NKD1: variants seen among roughly 807,000 people sequenced by gnomAD.
The protein encoded by NKD1 is protein naked cuticle homolog 1.
A neutral mutation model predicts 56.0 loss-of-function variants in NKD1; 21 were observed. The observed-to-expected ratio is 0.38, with a 90% CI of 0.27 to 0.54. The LOEUF (loss-of-function observed/expected upper bound fraction) is 0.54. Among genes scored for constraint, NKD1 ranks in the 20% least tolerant of loss-of-function variants. The probability of loss-of-function intolerance (pLI) is 0.82; values close to 1 mark genes in which losing one functional copy is unlikely to be tolerated. For synonymous variants in NKD1, 263 were observed against 265.7 expected (o/e 0.99, Z 0.10); for missense variants, 578 against 642.7 (o/e 0.90, Z 1.09).
At chr16:50,584,044 C>T (rs376209471) in intron 3 of NKD1, among the ~76,000 whole-genome samples, 135 of 152,294 alleles carry the variant, frequency 8.9e-4, no homozygotes, top group African/African-American at 3.1e-3. Context: ...TGCAAACCAC[C>T]CTAAGACTTA....
At chr16:50,591,426 C>T (rs369398561) in intron 3 of NKD1, among the ~76,000 whole-genome samples, 2 of 152,300 alleles carry the variant, frequency 1.3e-5, no homozygotes, top group South Asian at 2.1e-4. Context: ...GTACTGAGGA[C>T]GGATCATTGG....
At position 50,638,395 on chromosome 16, in the gene NKD1, C is replaced by CA. The variant is rs1482092281; in HGVS notation, c.*4615dup. ...TGCCCCTTGTCCAGCCACACGCCAG[C>CA]ACCCACCCTCCTGGCCCCTGCCTCG... is the stretch of plus-strand genomic sequence containing the variant. On this transcript the variant is annotated 3_prime_UTR_variant, in exon 10 of 10. Transcript: ENST00000268459. 3 of 152,902 alleles carry CA rather than the reference C, an allele frequency of 2.0e-5. No individual in the cohort carries two copies. Among genetic ancestry groups the CA allele is most frequent in the Non-Finnish European group, 2.9e-5 (2 of 68,504 alleles). 9.5% of individuals were successfully genotyped at this position (152,902 alleles called of 1,614,324 possible).
chr16:50,628,986 G>A (rs1962284712), intron 6 of NKD1, among the ~76,000 whole-genome samples: 1 of 147,562 alleles, frequency 6.8e-6, no homozygotes, highest in African/African-American at 2.5e-5. Flanking sequence ...TTAAACAAGA[G>A]ATGGGATCTT....
chr16:50,617,893 T>C (rs909953521), intron 4 of NKD1, among the ~76,000 whole-genome samples: 3 of 152,166 alleles, frequency 2.0e-5, no homozygotes, highest in Non-Finnish European at 4.4e-5. Context: ...AAAGCAGCAA[T>C]CAATCCACAG....
At position 50,598,716 on chromosome 16, in the gene NKD1, C is replaced by T. The variant is rs1382131323; in HGVS notation, c.193-9578C>T. ...CTCTTATCAGCACTCGGCTGTGTGG[C>T]GTGGCGGGCCAGTGGCTGGGCTAGT... On this transcript the variant is annotated intron_variant, in intron 3 of 9. Transcript: ENST00000268459. The surrounding 1 kb of genome is among the most constrained non-coding windows in gnomAD (Gnocchi z 4.2). 2.0e-5 allele frequency among the ~76,000 whole-genome samples: 3 copies of T among 152,134 alleles called. No individual in the cohort carries two copies. Among genetic ancestry groups the T allele is most frequent in the African/African-American group, 4.8e-5 (2 of 41,414 alleles).
intron 3 of NKD1, chr16:50,571,474 CA>C: frequency 1.0e-6 from 1 of 985,396 alleles, no homozygotes; most frequent in South Asian, 4.7e-5. Context: ...GCCGCTCACA[CA>C]CCCAAACAGC....
At chr16:50,594,381 A>G (rs888843403) in intron 3 of NKD1, among the ~76,000 whole-genome samples, 1 of 152,236 alleles carries the variant, frequency 6.6e-6, no homozygotes, top group Admixed American at 6.5e-5. Context: ...CAAGTGGGTC[A>G]GGATTCCTCC....
At chr16:50,555,720 G>A (rs1960486851) in intron 3 of NKD1, 1 of 152,272 alleles carries the variant, frequency 6.6e-6, no homozygotes, top group Non-Finnish European at 1.5e-5. Flanking sequence ...GAGACAGGAT[G>A]TGCAGCCCCC....
At chr16:50,548,940 G>T (rs1202084650) in intron 2 of NKD1, 191 bp downstream of exon 2, 1 of 940,278 alleles carries the variant, frequency 1.1e-6, no homozygotes, top group Non-Finnish European at 1.2e-6. Context: ...CGCTCCCCGC[G>T]GTCCTGCGCT....
chr16:50,620,125 T>C lies in NKD1; in HGVS notation c.260-1477T>C, dbSNP rs149623884. Reference sequence around the variant, plus strand: ...TGGTAAACAGCAAGTGCTTAGTCATTGCTGCCTCATCTTTATGTACAGTGG... The same window carrying C: ...TGGTAAACAGCAAGTGCTTAGTCATCGCTGCCTCATCTTTATGTACAGTGG... On this transcript the variant is annotated intron_variant, in intron 4 of 9. Coordinates refer to ENST00000268459, the MANE Select transcript of NKD1 (RefSeq NM_033119.5). Among the ~76,000 whole-genome samples the C allele has an allele frequency of 1.4e-4, 21 of 152,386 alleles. No individual in the cohort carries two copies. The East Asian group carries it at 4.0e-3, about 29-fold the overall frequency.
chr16:50,555,472 T>G, intron 3 of NKD1: 1 of 152,330 alleles, frequency 6.6e-6, no homozygotes, highest in Non-Finnish European at 1.5e-5. Flanking sequence ...CCTGTTGGGG[T>G]TGGTGGCCCT....
intron 3 of NKD1, chr16:50,570,803 G>A (rs1960864652): frequency 6.1e-6 from 6 of 985,306 alleles, no homozygotes; most frequent in Non-Finnish European, 7.2e-6. Context: ...TATTAGCCTT[G>A]GTTTTTCCAT....
Position 50,630,829 on chromosome 16 carries a change from T to G in NKD1, c.614T>G (p.Leu205Arg). The change falls in exon 8 of 10, where the codon CTG becomes CGG. Residue 205 changes from leucine (L) to arginine (R), a missense_variant. By Grantham distance (102) the Leu-to-Arg change is moderately radical. Coordinates refer to ENST00000268459, the MANE Select transcript of NKD1 (RefSeq NM_033119.5). ...GTGCTTCTCGGGCCGGACTCAGACC[T>G]GCAGAGCGCAAGGCCCCGAGCAGAG... is the stretch of plus-strand genomic sequence containing the variant. ...KRSVLVNQAD[L>R]QSARPRAETK... 1 of 1,598,776 alleles carries G rather than the reference T, an allele frequency of 6.3e-7. No individual in the cohort carries two copies. Among genetic ancestry groups the G allele is most frequent in the Non-Finnish European group, 8.5e-7 (1 of 1,173,320 alleles).
rs556841323 is a variant in NKD1 at position 50,649,239 on chromosome 16, T to A, written c.*15458T>A. The A allele has an allele frequency of 3.3e-5, 5 of 152,282 alleles. No homozygotes were observed. In the East Asian group the frequency reaches 7.7e-4, roughly 23 times the overall value. 9.4% of individuals were successfully genotyped at this position (152,282 alleles called of 1,614,324 possible). ...TTATAATTATTTCAAAATAAAAAAA[T>A]TTTAAAAATAGTGGCGTTGCTCAGA... On this transcript the variant is annotated 3_prime_UTR_variant, in exon 10 of 10. Coordinates refer to ENST00000268459, the MANE Select transcript of NKD1 (RefSeq NM_033119.5).
chr16:50,575,351 G>A (rs1210188661), intron 3 of NKD1: 11 of 985,254 alleles, frequency 1.1e-5, no homozygotes, highest in Non-Finnish European at 1.3e-5. Flanking sequence ...GGCCAGAGCC[G>A]GCTTAGGGCC....
Position 50,645,157 on chromosome 16 carries a change from C to T in NKD1, c.*11376C>T, listed in dbSNP as rs919037835. On this transcript the variant is annotated 3_prime_UTR_variant, in exon 10 of 10. Transcript: ENST00000268459. ...TGTGTCAGGAACCATGCTCAGCACT[C>T]GATAAAACAGACATCATCTCTACCT... The T allele has an allele frequency of 7.9e-5, 12 of 152,144 alleles. No individual in the cohort carries two copies. Among genetic ancestry groups the T allele is most frequent in the African/African-American group, 2.7e-4 (11 of 41,426 alleles). 9.4% of individuals were successfully genotyped at this position (152,144 alleles called of 1,614,324 possible).
chr16:50,594,758 G>A lies in NKD1; in HGVS notation c.193-13536G>A, dbSNP rs1961438539. Among the ~76,000 whole-genome samples the A allele has an allele frequency of 2.0e-5, 3 of 151,678 alleles. No homozygotes were observed. In the South Asian group the frequency reaches 6.3e-4, roughly 32 times the overall value. On this transcript the variant is annotated intron_variant, in intron 3 of 9. Transcript: ENST00000268459. ...GCCCTAGGGCAGGCCTCTGAAGAGG[G>A]CCCCCAGGTGTGAGCTGCTGGTGGG...
chr16:50,583,623 G>GT (rs375939728), intron 3 of NKD1, among the ~76,000 whole-genome samples: 56 of 152,138 alleles, frequency 3.7e-4, no homozygotes, highest in East Asian at 7.7e-4. Flanking sequence ...TTCAGGAGCG[G>GT]TTTTTTTTAC....
intron 3 of NKD1, 55 bp from the exon 4 acceptor site, chr16:50,608,239 C>G (rs1330867544): frequency 1.6e-6 from 2 of 1,253,828 alleles, no homozygotes; most frequent in African/African-American, 1.5e-5. Context: ...TTTTAACGTC[C>G]CAGCACTGGG....
Sources: allele counts gnomAD v4.1 joint callset (sites outside exome capture counted in the v4.1 genomes callset), GRCh38; gene constraint gnomAD v4.1.1; non-coding constraint Gnocchi (gnomAD v3.1); transcripts MANE v1.5; gene names NCBI Gene and HGNC (gene_info 2026-07-23, HGNC 2026-07-21).